The following CNTN5 variants were observed in gnomAD, a reference collection of about 807,000 sequenced individuals.
The protein encoded by CNTN5 is contactin-5.
In CNTN5, 77 loss-of-function variants were observed where a neutral mutation model predicts 129.1. That is an observed-to-expected ratio of 0.60 (90% CI 0.50 to 0.72). The LOEUF is 0.72. Among genes scored for constraint, CNTN5 ranks in the 30% least tolerant of loss-of-function variants. The pLI, the probability that CNTN5 is intolerant of heterozygous loss-of-function variation, is 0.00. For missense variants in CNTN5, 1,478 were observed against 1,328.8 expected (o/e 1.11, Z -1.75); for synonymous variants, 509 against 465.6 (o/e 1.09, Z -1.20).
intron 1 of CNTN5, among the ~76,000 whole-genome samples, chr11:99,277,364 A>G (rs892564731): frequency 6.6e-6 from 1 of 151,630 alleles, no homozygotes; most frequent in Non-Finnish European, 1.5e-5. Context: ...ATGTCTTTAT[A>G]TAGTCATTTC....
chr11:99,851,861 G>T (rs1337677335), intron 6 of CNTN5, among the ~76,000 whole-genome samples: 1 of 151,910 alleles, frequency 6.6e-6, no homozygotes, highest in Admixed American at 6.6e-5. Context: ...TACTTCTCTG[G>T]CTTTTTTCAT....
intron 3 of CNTN5, among the ~76,000 whole-genome samples, chr11:99,756,950 C>T (rs1944424074): frequency 7.1e-6 from 1 of 141,068 alleles, no homozygotes. Context: ...TTGACTAAAA[C>T]AACATGTGCT....
In CNTN5 at chr11:99,467,186, A is replaced by T. The variant is rs1186188313; in HGVS notation, c.-70-88959A>T. Among the ~76,000 whole-genome samples, 3 of 152,124 alleles carry T rather than the reference A, an allele frequency of 2.0e-5. No homozygotes were observed. The East Asian group carries it at 5.8e-4, about 29-fold the overall frequency. ...TAAAACATAAAAACAAACTGATATA[A>T]AACAAAACTTTAATATAGTTATATC... On this transcript the variant is annotated intron_variant, in intron 2 of 24. Coordinates refer to ENST00000524871, the MANE Select transcript of CNTN5 (RefSeq NM_014361.4).
intron 6 of CNTN5, among the ~76,000 whole-genome samples, chr11:99,882,620 A>G (rs1948800401): frequency 6.6e-6 from 1 of 152,156 alleles, no homozygotes. Flanking sequence ...TACATGAGAT[A>G]TACTGATACA....
chr11:100,102,618 A>G (rs11222776), intron 13 of CNTN5, among the ~76,000 whole-genome samples: 41,494 of 151,978 alleles, frequency 0.27, 6,255 homozygotes, highest in East Asian at 0.58. Flanking sequence ...AAAAACTGAT[A>G]AAAGAATAAT....
intron 24 of CNTN5, among the ~76,000 whole-genome samples, chr11:100,355,489 A>G (rs573546224): frequency 6.6e-5 from 10 of 151,838 alleles, no homozygotes; most frequent in Non-Finnish European, 4.4e-5. Flanking sequence ...AATAGTAAAT[A>G]CATAAGCCAA....
rs534156370 is a variant in CNTN5, at chr11:99,506,136, G to T, written c.-70-50009G>T. Among the ~76,000 whole-genome samples, 218 of 152,264 alleles carry T rather than the reference G, an allele frequency of 1.4e-3. 2 individuals carry two copies. The highest frequency in any genetic ancestry group is 0.012 in the Admixed American group (190 of 15,290). On this transcript the variant is annotated intron_variant, in intron 2 of 24. Transcript: ENST00000524871. Reference sequence around the variant, plus strand: ...ACATTTGTTACTGGTAGTTGATCTTGGACTTTTTGATCCATGAATCTGAAT... The same window carrying T: ...ACATTTGTTACTGGTAGTTGATCTTTGACTTTTTGATCCATGAATCTGAAT...
intron 9 of CNTN5, among the ~76,000 whole-genome samples, chr11:100,041,056 C>T (rs1397525034): frequency 6.6e-6 from 1 of 152,228 alleles, no homozygotes; most frequent in Non-Finnish European, 1.5e-5. Flanking sequence ...AATCACCCAT[C>T]TTCTGCGTCA....
At position 99,876,029 on chromosome 11, in the gene CNTN5, G is replaced by A. The variant is rs140795025; in HGVS notation, c.577+30767G>A. Among the ~76,000 whole-genome samples, 15 of 152,160 alleles carry A rather than the reference G, an allele frequency of 9.9e-5. No homozygotes were observed. The East Asian group carries it at 2.7e-3, about 27-fold the overall frequency. ...ATAATTTAATACTAGCACAAAATTA[G>A]GAATAATGAGTGAAATACTACATAT... On this transcript the variant is annotated intron_variant, in intron 6 of 24. Transcript: ENST00000524871.
At chr11:100,163,756 TTC>T (rs780625285) in intron 13 of CNTN5, among the ~76,000 whole-genome samples, 1 of 151,934 alleles carries the variant, frequency 6.6e-6, no homozygotes, top group South Asian at 2.1e-4. Context: ...TGATTTAGTT[TTC>T]TCTGTTTTGA....
intron 1 of CNTN5, among the ~76,000 whole-genome samples, chr11:99,312,660 T>C (rs1376707720): frequency 6.6e-6 from 1 of 152,154 alleles, no homozygotes; most frequent in African/African-American, 2.4e-5. Flanking sequence ...TGCATAGGAT[T>C]GCTGTAAGAC....
At chr11:99,172,870 TA>T (rs1193026998) in intron 1 of CNTN5, among the ~76,000 whole-genome samples, 16 of 152,222 alleles carry the variant, frequency 1.1e-4, no homozygotes, top group African/African-American at 3.9e-4. Context: ...ATTTGAGATT[TA>T]AGTATAATTC....
chr11:99,573,171 G>GTT (rs372222118), intron 3 of CNTN5, among the ~76,000 whole-genome samples: 71 of 146,240 alleles, frequency 4.9e-4, no homozygotes, highest in South Asian at 2.2e-3. Flanking sequence ...CCCAAGGAGT[G>GTT]TTTTTTTTTT....
At chr11:99,317,255 C>T (rs1428316385) in intron 1 of CNTN5, among the ~76,000 whole-genome samples, 2 of 152,116 alleles carry the variant, frequency 1.3e-5, no homozygotes, top group Non-Finnish European at 2.9e-5. Context: ...TTTCAGCAAC[C>T]AATTCCGTGC....
Position 100,287,227 on chromosome 11 carries a change from C to T in CNTN5, c.2315-10398C>T, listed in dbSNP as rs1373128761. Among the ~76,000 whole-genome samples the T allele has an allele frequency of 3.3e-5, 5 of 152,210 alleles. No individual in the cohort carries two copies. In the East Asian group the frequency reaches 9.7e-4, roughly 29 times the overall value. Reference sequence around the variant, plus strand: ...AACTTCCCCAATCTAGCAAGGCAGGCCAACATTCAAATTCAGGAAATACAG... The same window carrying T: ...AACTTCCCCAATCTAGCAAGGCAGGTCAACATTCAAATTCAGGAAATACAG... On this transcript the variant is annotated intron_variant, in intron 18 of 24. Transcript: ENST00000524871.
chr11:99,879,138 A>G (rs1162641157), intron 6 of CNTN5, among the ~76,000 whole-genome samples: 6 of 151,874 alleles, frequency 4.0e-5, no homozygotes, highest in East Asian at 2.0e-4. Context: ...GGGTTTCACC[A>G]TGTTGGCCGG....
At chr11:99,564,748 A>G (rs1438001220) in intron 3 of CNTN5, among the ~76,000 whole-genome samples, 1 of 152,154 alleles carries the variant, frequency 6.6e-6, no homozygotes, top group Non-Finnish European at 1.5e-5. Flanking sequence ...GAACACATAC[A>G]TCCCCCAAAT....
intron 2 of CNTN5, among the ~76,000 whole-genome samples, chr11:99,544,020 G>A (rs939852026): frequency 6.6e-6 from 1 of 151,330 alleles, no homozygotes; most frequent in African/African-American, 2.4e-5. Flanking sequence ...CTATTCTTGT[G>A]TTGCTGTTAA....
At chr11:99,781,682 A>G (rs950904369) in intron 3 of CNTN5, among the ~76,000 whole-genome samples, 1 of 152,098 alleles carries the variant, frequency 6.6e-6, no homozygotes, top group African/African-American at 2.4e-5. Context: ...AATTCGATCA[A>G]CATACTTTAA....
Sources: gnomAD v4.1 joint callset for allele counts (sites outside exome capture counted in the v4.1 genomes callset) on GRCh38, gnomAD v4.1.1 for gene constraint, MANE v1.5 for transcripts, NCBI Gene and HGNC (gene_info 2026-07-23, HGNC 2026-07-21) for gene names.